PCLO: variants seen among roughly 807,000 people sequenced by gnomAD.
PCLO encodes the protein protein piccolo.
In PCLO, 82 loss-of-function variants were observed where a neutral mutation model predicts 427.5. The ratio of observed to expected loss-of-function variants is 0.19; its 90% CI spans 0.16 to 0.23. The LOEUF (loss-of-function observed/expected upper bound fraction) is 0.23, where lower values mean the gene tolerates loss of function less well. Among genes scored for constraint, PCLO ranks in the 10% least tolerant of loss-of-function variants. The pLI is 1.00. For synonymous variants in PCLO, 2,357 were observed against 2,155.4 expected, an observed-to-expected ratio of 1.09 and a Z score of -2.59; for missense variants, 6,239 against 6,115.9, an observed-to-expected ratio of 1.02 and a Z score of -0.67.
chr7:82,927,458 T>C (rs1461859740), intron 6 of PCLO, among the ~76,000 whole-genome samples: 1 of 152,204 alleles, frequency 6.6e-6, no homozygotes, highest in Non-Finnish European at 1.5e-5. Flanking sequence ...ATTTCAAAAC[T>C]GGAAAATGAC....
chr7:82,860,215 A>G (rs1792917921), intron 10 of PCLO, among the ~76,000 whole-genome samples: 2 of 152,074 alleles, frequency 1.3e-5, no homozygotes, highest in Admixed American at 6.6e-5. Flanking sequence ...AATATCCAAG[A>G]ACAAGAAGGT....
chr7:83,064,526 A>T (rs1300304815), intron 3 of PCLO, among the ~76,000 whole-genome samples: 1 of 152,050 alleles, frequency 6.6e-6, no homozygotes, highest in African/African-American at 2.4e-5. Context: ...GGATTAAAGA[A>T]AATGGTGTTC....
At chr7:83,040,234 C>G (rs1343004975) in intron 3 of PCLO, among the ~76,000 whole-genome samples, 4 of 152,102 alleles carry the variant, frequency 2.6e-5, no homozygotes, top group African/African-American at 7.2e-5. Flanking sequence ...GCTACTTGTT[C>G]AGTGGCTGGT....
intron 3 of PCLO, among the ~76,000 whole-genome samples, chr7:83,118,898 A>C (rs1046928942): frequency 6.6e-6 from 1 of 152,130 alleles, no homozygotes; most frequent in Admixed American, 6.5e-5. Flanking sequence ...GGGAATGTTT[A>C]TATCACCTCT....
chr7:82,977,371 A>G (rs1253743022), intron 3 of PCLO, among the ~76,000 whole-genome samples: 1 of 146,398 alleles, frequency 6.8e-6, no homozygotes, highest in Middle Eastern at 3.2e-3. Flanking sequence ...TGAGTGCAAA[A>G]TTCATCTTTT....
At chr7:82,993,460 G>C (rs1313164505) in intron 3 of PCLO, among the ~76,000 whole-genome samples, 1 of 151,824 alleles carries the variant, frequency 6.6e-6, no homozygotes, top group African/African-American at 2.4e-5. Context: ...TTGAATTTTG[G>C]TTCTGCCACT....
At chr7:83,024,164 G>A (rs1312440581) in intron 3 of PCLO, among the ~76,000 whole-genome samples, 7 of 152,182 alleles carry the variant, frequency 4.6e-5, no homozygotes, top group Non-Finnish European at 8.8e-5. Flanking sequence ...CGCAGAAGAC[G>A]GGTGATTTCT....
At chr7:83,063,377 G>A (rs990242293) in intron 3 of PCLO, among the ~76,000 whole-genome samples, 2 of 151,952 alleles carry the variant, frequency 1.3e-5, no homozygotes, top group Admixed American at 6.6e-5. Flanking sequence ...GTTTTATGAT[G>A]TCTGACTTGT....
chr7:82,907,948 C>A (rs1030736260), intron 8 of PCLO, among the ~76,000 whole-genome samples: 26 of 151,948 alleles, frequency 1.7e-4, no homozygotes, highest in African/African-American at 6.0e-4. Flanking sequence ...ATATGACAAA[C>A]ACTGAATTAT....
chr7:83,106,726 A>G (rs1188157847), intron 3 of PCLO, among the ~76,000 whole-genome samples: 3 of 152,150 alleles, frequency 2.0e-5, no homozygotes, highest in Non-Finnish European at 4.4e-5. Context: ...TATTCAGTTT[A>G]ATAGGCTATA....
At chr7:83,022,618 A>G (rs1040599128) in intron 3 of PCLO, among the ~76,000 whole-genome samples, 4 of 152,218 alleles carry the variant, frequency 2.6e-5, no homozygotes, top group African/African-American at 9.6e-5. Flanking sequence ...GGGTTGAATG[A>G]ATGAAACAAA....
chr7:82,801,401 A>G (rs1042603457), intron 22 of PCLO, 117 bp downstream of exon 22: 5 of 605,096 alleles, frequency 8.3e-6, no homozygotes, highest in African/African-American at 5.7e-5. Flanking sequence ...CTTACTACCT[A>G]TTGCTTTTGC....
chr7:83,053,385 A>T (rs1384582584), intron 3 of PCLO, among the ~76,000 whole-genome samples: 1 of 152,024 alleles, frequency 6.6e-6, no homozygotes, highest in Non-Finnish European at 1.5e-5. Flanking sequence ...GGAATCAACA[A>T]TTACACAGAA....
At chr7:83,029,814 A>G (rs1788612745) in intron 3 of PCLO, among the ~76,000 whole-genome samples, 1 of 144,418 alleles carries the variant, frequency 6.9e-6, no homozygotes, top group South Asian at 2.3e-4. Context: ...CTTTGTAGGG[A>G]CATGGATGAA....
intron 1 of PCLO, 147 bp downstream of exon 1, chr7:83,162,198 G>A (rs1212905624): frequency 2.1e-5 from 18 of 877,940 alleles, no homozygotes; most frequent in Non-Finnish European, 2.7e-5. Flanking sequence ...ACAAGGCTTA[G>A]GATCTCTCTA....
intron 10 of PCLO, among the ~76,000 whole-genome samples, chr7:82,874,178 T>C (rs953839584): frequency 1.3e-5 from 2 of 152,200 alleles, no homozygotes; most frequent in African/African-American, 4.8e-5. Context: ...AAAGGTTTTT[T>C]TTTTTTAAAT....
At chr7:82,845,108 T>A (rs1289929549) in intron 13 of PCLO, among the ~76,000 whole-genome samples, 163 bp downstream of exon 13, 1 of 152,130 alleles carries the variant, frequency 6.6e-6, no homozygotes, top group Non-Finnish European at 1.5e-5. Flanking sequence ...TCTTGATCAG[T>A]TTTGTACTCA....
chr7:83,021,761 G>C (rs1313737981), intron 3 of PCLO, among the ~76,000 whole-genome samples: 1 of 152,054 alleles, frequency 6.6e-6, no homozygotes, highest in Non-Finnish European at 1.5e-5. Flanking sequence ...TAAGTGTTTT[G>C]ACATATTTTA....
At chr7:82,835,731 C>T (rs1369479895) in intron 15 of PCLO, 38 bp from the exon 16 acceptor site, 1 of 1,559,672 alleles carries the variant, frequency 6.4e-7, no homozygotes, top group Non-Finnish European at 8.8e-7. Flanking sequence ...AGGGGTAAAA[C>T]AGGAAAGTAG....
Sources: gnomAD v4.1 joint callset for allele counts (sites outside exome capture counted in the v4.1 genomes callset) on GRCh38, gnomAD v4.1.1 for gene constraint, MANE v1.5 for transcripts, NCBI Gene and HGNC (gene_info 2026-07-23, HGNC 2026-07-21) for gene names.